LRRC37A2: variants seen among roughly 807,000 people sequenced by gnomAD.
LRRC37A2 encodes the protein leucine-rich repeat-containing protein 37A2.
In LRRC37A2, 9 loss-of-function variants were observed where a neutral mutation model predicts 68.8. The observed-to-expected ratio is 0.13, with a 90% CI of 0.08 to 0.23. The LOEUF (loss-of-function observed/expected upper bound fraction) is 0.23. Ranked by LOEUF, LRRC37A2 falls within the 10% of genes least tolerant of loss-of-function variation. The pLI is 1.00. For synonymous variants in LRRC37A2, 63 were observed against 367.6 expected, an observed-to-expected ratio of 0.17 and a Z score of 9.48; for missense variants, 168 against 950.4, an observed-to-expected ratio of 0.18 and a Z score of 10.82.
chr17:46,796,107 T>C, the LRRC37A2 span, among the ~76,000 whole-genome samples: 1 of 152,218 alleles, frequency 6.6e-6, no homozygotes, highest in East Asian at 1.9e-4. Context: ...GGCTTTGTGA[T>C]CTGGCTGACC....
the LRRC37A2 span, among the ~76,000 whole-genome samples, chr17:46,759,613 C>T: frequency 6.6e-6 from 1 of 152,220 alleles, no homozygotes; most frequent in Non-Finnish European, 1.5e-5. Flanking sequence ...TGACTTCACT[C>T]GAGTGTGCAG....
the LRRC37A2 span, among the ~76,000 whole-genome samples, chr17:46,776,244 C>T: frequency 6.6e-6 from 1 of 152,230 alleles, no homozygotes; most frequent in Non-Finnish European, 1.5e-5. Flanking sequence ...GGCCCATCTG[C>T]ACCCTGGGCC....
At chr17:46,789,664 G>A in the LRRC37A2 span, among the ~76,000 whole-genome samples, 598 of 152,330 alleles carry the variant, frequency 3.9e-3, 4 homozygotes, top group African/African-American at 0.014. Flanking sequence ...CAAATTCAGA[G>A]CAGGGTTTGA....
At chr17:46,896,452 A>AAGAGAAAG in the LRRC37A2 span, among the ~76,000 whole-genome samples, 726 of 65,888 alleles carry the variant, frequency 0.011, 26 homozygotes, top group East Asian at 0.035. Flanking sequence ...GAAAGAAAGA[A>AAGAGAAAG]AAAGAAAGAA....
chr17:46,886,117 A>T, the LRRC37A2 span: 2 of 152,338 alleles, frequency 1.3e-5, no homozygotes, highest in African/African-American at 4.8e-5. Flanking sequence ...GCTTCAGAGG[A>T]TGCACAGCTG....
chr17:46,992,656 C>A, the LRRC37A2 span, among the ~76,000 whole-genome samples: 3 of 152,064 alleles, frequency 2.0e-5, no homozygotes, highest in African/African-American at 7.2e-5. Flanking sequence ...AGTTTGAGAC[C>A]AGCCTGGCCA....
At chr17:46,499,340 G>A in the LRRC37A2 span, among the ~76,000 whole-genome samples, 2 of 140,548 alleles carry the variant, frequency 1.4e-5, no homozygotes, top group African/African-American at 5.5e-5. Flanking sequence ...AAAAAAGGTG[G>A]GGGGACAATG....
the LRRC37A2 span, among the ~76,000 whole-genome samples, chr17:46,981,884 T>A: frequency 6.6e-6 from 1 of 152,112 alleles, no homozygotes; most frequent in Admixed American, 6.6e-5. Context: ...TTATTTTTTG[T>A]TCAGACAGGG....
the LRRC37A2 span, among the ~76,000 whole-genome samples, chr17:46,974,758 C>T: frequency 1.0e-4 from 15 of 147,734 alleles, no homozygotes; most frequent in African/African-American, 2.7e-4. Flanking sequence ...AAGGTCATCT[C>T]AAGTGAAACT....
the LRRC37A2 span, chr17:46,937,409 G>T: frequency 3.9e-5 from 6 of 152,162 alleles, no homozygotes; most frequent in Non-Finnish European, 8.8e-5. Flanking sequence ...TCTTTTTATA[G>T]TATAAAATAT....
chr17:46,971,057 G>T, the LRRC37A2 span, among the ~76,000 whole-genome samples: 34 of 152,042 alleles, frequency 2.2e-4, no homozygotes, highest in Middle Eastern at 3.4e-3. Context: ...TTGTATCATC[G>T]CTTTAAAACA....
the LRRC37A2 span, among the ~76,000 whole-genome samples, chr17:46,755,005 T>C: frequency 2.0e-5 from 3 of 152,266 alleles, no homozygotes; most frequent in African/African-American, 7.2e-5. Context: ...AATGGCCCTG[T>C]CCAGTCTCAC....
the LRRC37A2 span, chr17:46,774,026 T>C: frequency 2.8e-6 from 4 of 1,426,300 alleles, no homozygotes; most frequent in Non-Finnish European, 2.9e-6. Flanking sequence ...GCCTGTGCCC[T>C]GGCACCTGAA....
At chr17:46,392,431 CTCTTTCTTTCTT>C in the LRRC37A2 span, among the ~76,000 whole-genome samples, 7 of 29,688 alleles carry the variant, frequency 2.4e-4, no homozygotes, top group African/African-American at 4.7e-4. Flanking sequence ...CTTTCTTTCT[CTCTTTCTTTCTT>C]TCTTTCTTTC....
At chr17:46,847,862 G>A in the LRRC37A2 span, among the ~76,000 whole-genome samples, 1 of 152,180 alleles carries the variant, frequency 6.6e-6, no homozygotes, top group Admixed American at 6.5e-5. Context: ...GGCTGGCCTG[G>A]GGGCAGGTGC....
At chr17:46,989,473 C>T in the LRRC37A2 span, among the ~76,000 whole-genome samples, 34 of 152,328 alleles carry the variant, frequency 2.2e-4, no homozygotes, top group Middle Eastern at 3.4e-3. Flanking sequence ...GCTTCCCCTG[C>T]CCCCCAGATA....
the LRRC37A2 span, among the ~76,000 whole-genome samples, chr17:46,697,222 T>G: frequency 1.2e-4 from 15 of 129,572 alleles, 2 homozygotes; most frequent in African/African-American, 4.8e-4. Flanking sequence ...TTTCTTTTTT[T>G]TTTTTTGAAA....
At chr17:46,882,523 C>T in the LRRC37A2 span, among the ~76,000 whole-genome samples, 1 of 152,058 alleles carries the variant, frequency 6.6e-6, no homozygotes, top group Non-Finnish European at 1.5e-5. Context: ...GCAACCTCCA[C>T]CTCCTAGGTT....
At chr17:46,939,001 C>G in the LRRC37A2 span, 3 of 1,351,492 alleles carry the variant, frequency 2.2e-6, no homozygotes, top group Non-Finnish European at 2.9e-6. Context: ...CCGGGTCTGT[C>G]TCTCTCACTC....
Sources: gnomAD v4.1 joint callset for allele counts (sites outside exome capture counted in the v4.1 genomes callset) on GRCh38, gnomAD v4.1.1 for gene constraint, MANE v1.5 for transcripts, NCBI Gene and HGNC (gene_info 2026-07-23, HGNC 2026-07-21) for gene names.